TXK: variants seen among roughly 807,000 people sequenced by gnomAD.
TXK encodes the protein TXK tyrosine kinase.
A neutral mutation model predicts 81.0 loss-of-function variants in TXK; 60 were observed. The ratio of observed to expected loss-of-function variants is 0.74; its 90% CI spans 0.60 to 0.92. The LOEUF is 0.92. TXK is among the 40% of genes least tolerant of loss of function. The pLI is 0.00. For missense variants in TXK, 581 were observed against 638.3 expected (o/e 0.91, Z 0.97); for synonymous variants, 203 against 210.7 (o/e 0.96, Z 0.32).
chr4:48,091,636 G>A (rs1161579834), intron 8 of TXK, among the ~76,000 whole-genome samples: 2 of 152,022 alleles, frequency 1.3e-5, no homozygotes, highest in Non-Finnish European at 2.9e-5. Flanking sequence ...CTCTCGAGTA[G>A]GTGAGATTAC....
Position 48,104,846 on chromosome 4 carries a change from T to A in TXK, c.501+55A>T, listed in dbSNP as rs562799150. On this transcript the variant is annotated intron_variant, in intron 6 of 14. Coordinates refer to ENST00000264316, the MANE Select transcript of TXK (RefSeq NM_003328.3). ...AATATACTTTTTTAGTTGGTTAAAG[T>A]CTTTATAAGTACTTCTCAGAGATTT... 26 of 1,382,156 alleles carry A rather than the reference T, an allele frequency of 1.9e-5. No individual in the cohort carries two copies. The South Asian group carries it at 3.2e-4, about 17-fold the overall frequency. The allele number at this position is 1,382,156 out of a possible 1,614,324, so 85.6% of individuals were successfully genotyped here. A position where few individuals can be genotyped will look rare whatever the true frequency, so the allele number is the denominator to read the frequency against.
chr4:48,095,790 G>A (rs1717956679), intron 6 of TXK, among the ~76,000 whole-genome samples: 1 of 152,164 alleles, frequency 6.6e-6, no homozygotes, highest in Non-Finnish European at 1.5e-5. Flanking sequence ...TGGTAAAAGG[G>A]AGAACATGAT....
chr4:48,124,039 C>T (rs949256018), intron 1 of TXK, among the ~76,000 whole-genome samples: 17 of 152,184 alleles, frequency 1.1e-4, no homozygotes, highest in Admixed American at 2.6e-4. Context: ...TCCCAAATGT[C>T]CTGTCCCAAA....
At chr4:48,117,677 G>T (rs1560360971) in intron 1 of TXK, among the ~76,000 whole-genome samples, 1 of 152,190 alleles carries the variant, frequency 6.6e-6, no homozygotes, top group Admixed American at 6.5e-5. Context: ...TGGTGAGAGA[G>T]GCTGCTCCAA....
Position 48,083,154 on chromosome 4 carries a change from G to A in TXK, c.957-3026C>T, listed in dbSNP as rs557453185. On this transcript the variant is annotated intron_variant, in intron 10 of 14. Coordinates refer to ENST00000264316, the MANE Select transcript of TXK (RefSeq NM_003328.3). ...AGCACACTACAACGCAGACCCACTT[G>A]GGCTTTGGGAGTTGCAGACACCCAC... Among the ~76,000 whole-genome samples, 4 of 152,288 alleles carry A rather than the reference G, an allele frequency of 2.6e-5. No homozygotes were observed. In the East Asian group the frequency reaches 7.7e-4, roughly 29 times the overall value.
intron 1 of TXK, among the ~76,000 whole-genome samples, chr4:48,125,744 C>A (rs1577682548): frequency 6.6e-6 from 1 of 152,212 alleles, no homozygotes; most frequent in Non-Finnish European, 1.5e-5. Flanking sequence ...AGAGAGGTTT[C>A]TTTTAAGGAA....
At chr4:48,096,573 T>G (rs527276142) in intron 6 of TXK, among the ~76,000 whole-genome samples, 2 of 152,198 alleles carry the variant, frequency 1.3e-5, no homozygotes, top group Non-Finnish European at 2.9e-5. Flanking sequence ...CAGGCTAGAG[T>G]GCAATGGCAT....
intron 13 of TXK, among the ~76,000 whole-genome samples, chr4:48,072,909 T>A (rs1716918985): frequency 6.6e-6 from 1 of 152,104 alleles, no homozygotes; most frequent in Non-Finnish European, 1.5e-5. Flanking sequence ...CTTAACTTTA[T>A]TGTATGTTTT....
intron 10 of TXK, among the ~76,000 whole-genome samples, chr4:48,081,533 AAC>A (rs113190872): frequency 3.3e-5 from 5 of 152,328 alleles, no homozygotes; most frequent in African/African-American, 1.2e-4. Flanking sequence ...TCATAGGGCA[AAC>A]ACACATTTAA....
At chr4:48,089,687 C>T (rs781646462) in intron 9 of TXK, 63 bp downstream of exon 9, 33 of 1,391,004 alleles carry the variant, frequency 2.4e-5, no homozygotes, top group Non-Finnish European at 3.1e-5. Context: ...CCACCGCACC[C>T]AGCCAGGTAG....
At chr4:48,110,016 G>A (rs914151795) in intron 5 of TXK, among the ~76,000 whole-genome samples, 2 of 152,096 alleles carry the variant, frequency 1.3e-5, no homozygotes, top group Admixed American at 1.3e-4. Flanking sequence ...GCAAAATGAG[G>A]GGCTAAAAAA....
At chr4:48,087,679 C>T (rs970236144) in intron 9 of TXK, among the ~76,000 whole-genome samples, 1 of 152,128 alleles carries the variant, frequency 6.6e-6, no homozygotes, top group African/African-American at 2.4e-5. Flanking sequence ...AGGCGATCTG[C>T]CCACCTCAGT....
chr4:48,119,723 C>T (rs939972438), intron 1 of TXK, among the ~76,000 whole-genome samples: 1 of 152,212 alleles, frequency 6.6e-6, no homozygotes, highest in African/African-American at 2.4e-5. Context: ...CCATTTTCAT[C>T]TGCTGTGTCT....
intron 3 of TXK, 119 bp from the exon 4 acceptor site, chr4:48,112,631 G>C: frequency 2.0e-6 from 2 of 1,008,872 alleles, no homozygotes; most frequent in Non-Finnish European, 2.8e-6. Flanking sequence ...CACCAAGGCA[G>C]AAGCCAGGAT....
intron 1 of TXK, among the ~76,000 whole-genome samples, chr4:48,118,215 T>A (rs1373567606): frequency 2.0e-5 from 3 of 152,212 alleles, no homozygotes; most frequent in Non-Finnish European, 4.4e-5. Flanking sequence ...ATTTCAACAC[T>A]ATCTATCAGG....
intron 13 of TXK, among the ~76,000 whole-genome samples, chr4:48,073,687 C>T (rs1716951743): frequency 6.6e-6 from 1 of 152,168 alleles, no homozygotes; most frequent in African/African-American, 2.4e-5. Flanking sequence ...TCAGTAGACT[C>T]TTTGTTATGG....
chr4:48,123,118 C>G (rs1478409519), intron 1 of TXK, among the ~76,000 whole-genome samples: 1 of 152,156 alleles, frequency 6.6e-6, no homozygotes, highest in East Asian at 1.9e-4. Context: ...CCACTTTATC[C>G]TTGAGTAATC....
intron 11 of TXK, among the ~76,000 whole-genome samples, chr4:48,079,445 C>T (rs1717205132): frequency 6.6e-6 from 1 of 152,108 alleles, no homozygotes; most frequent in Admixed American, 6.5e-5. Context: ...ATCTTCTGGC[C>T]CCCACCCAGG....
chr4:48,098,083 A>G (rs1470624110), intron 6 of TXK, among the ~76,000 whole-genome samples: 4 of 152,188 alleles, frequency 2.6e-5, no homozygotes, highest in Non-Finnish European at 4.4e-5. Flanking sequence ...ATAGTCACAC[A>G]TTACAATGTA....
Sources: gnomAD v4.1 joint callset for allele counts (sites outside exome capture counted in the v4.1 genomes callset) on GRCh38, gnomAD v4.1.1 for gene constraint, MANE v1.5 for transcripts, NCBI Gene and HGNC (gene_info 2026-07-23, HGNC 2026-07-21) for gene names.